FBXL17: variants seen among roughly 807,000 people sequenced by gnomAD.
FBXL17 encodes the protein F-box/LRR-repeat protein 17.
FBXL17 carries 22 observed loss-of-function variants against 66.2 expected under a neutral mutation model. The observed-to-expected ratio is 0.33, with a 90% CI of 0.24 to 0.47. FBXL17 has a LOEUF of 0.47. Ranked by LOEUF, FBXL17 falls within the 20% of genes least tolerant of loss-of-function variation. The pLI is 1.00. For synonymous variants in FBXL17, 474 were observed against 400.5 expected (o/e 1.18, Z -2.19); for missense variants, 878 against 948.2 (o/e 0.93, Z 0.97).
At chr5:108,235,352 G>A (rs898760532) in intron 4 of FBXL17, among the ~76,000 whole-genome samples, 6 of 152,052 alleles carry the variant, frequency 3.9e-5, no homozygotes, top group Non-Finnish European at 8.8e-5. Context: ...ACTAAATCTC[G>A]TAACAATGGC....
chr5:108,159,783 T>C (rs1752136454), intron 6 of FBXL17, among the ~76,000 whole-genome samples: 1 of 152,182 alleles, frequency 6.6e-6, no homozygotes, highest in South Asian at 2.1e-4. Flanking sequence ...AATGAAAATA[T>C]CTCATTTCTA....
chr5:107,900,915 A>AGAG (rs979927247), intron 7 of FBXL17, among the ~76,000 whole-genome samples: 1 of 152,168 alleles, frequency 6.6e-6, no homozygotes, highest in Admixed American at 6.5e-5. Flanking sequence ...AAGCCTCTCC[A>AGAG]GAGACAGTAT....
chr5:107,920,616 G>A (rs1750283445), intron 7 of FBXL17, among the ~76,000 whole-genome samples: 1 of 152,154 alleles, frequency 6.6e-6, no homozygotes, highest in Non-Finnish European at 1.5e-5. Context: ...ATGAAGAGAT[G>A]TCTGTAATAT....
At chr5:108,033,807 G>A (rs905008545) in intron 6 of FBXL17, among the ~76,000 whole-genome samples, 6 of 151,972 alleles carry the variant, frequency 3.9e-5, no homozygotes, top group African/African-American at 9.7e-5. Flanking sequence ...TGATGAGTTC[G>A]TAAAGACGAG....
chr5:107,954,791 A>G (rs898718673), intron 7 of FBXL17, among the ~76,000 whole-genome samples: 1 of 152,208 alleles, frequency 6.6e-6, no homozygotes, highest in African/African-American at 2.4e-5. Context: ...TAGAAAAGTT[A>G]GAACAAAATT....
At chr5:108,218,895 T>C (rs780972382) in intron 5 of FBXL17, among the ~76,000 whole-genome samples, 1 of 152,212 alleles carries the variant, frequency 6.6e-6, no homozygotes, top group Non-Finnish European at 1.5e-5. Flanking sequence ...CACTCTGTTG[T>C]TTCCTCTGCT....
At chr5:108,115,515 G>T (rs1750213966) in intron 6 of FBXL17, among the ~76,000 whole-genome samples, 1 of 151,576 alleles carries the variant, frequency 6.6e-6, no homozygotes, top group African/African-American at 2.4e-5. Context: ...AGGCACTGAG[G>T]CAAATTGAAA....
At chr5:108,304,654 G>A (rs1014997862) in intron 4 of FBXL17, among the ~76,000 whole-genome samples, 5 of 151,762 alleles carry the variant, frequency 3.3e-5, no homozygotes, top group African/African-American at 7.3e-5. Flanking sequence ...AAACTGAAAT[G>A]AAATTCAGAA....
chr5:108,040,612 A>T (rs1318840658), intron 6 of FBXL17, among the ~76,000 whole-genome samples: 3 of 152,216 alleles, frequency 2.0e-5, no homozygotes, highest in Non-Finnish European at 4.4e-5. Context: ...CTGGATTTTA[A>T]AAGAAAGTCA....
At chr5:107,921,179 A>T (rs1200580289) in intron 7 of FBXL17, among the ~76,000 whole-genome samples, 3 of 152,184 alleles carry the variant, frequency 2.0e-5, no homozygotes, top group Non-Finnish European at 4.4e-5. Context: ...TTAAATGGGA[A>T]TGGGGGAGCT....
Position 107,860,737 on chromosome 5 carries a change from T to C in FBXL17, c.*983A>G, listed in dbSNP as rs886290384. On this transcript the variant is annotated 3_prime_UTR_variant, in exon 9 of 9. Transcript: ENST00000542267. ...CAACAGTAGAAAGATTGTCTACTTA[T>C]ATCTCACTCATGAATCTTCTATTAA... The C allele has an allele frequency of 1.3e-5, 2 of 152,654 alleles. No homozygotes were observed. The highest frequency in any genetic ancestry group is 2.9e-5 in the Non-Finnish European group (2 of 68,040). The allele number at this position is 152,654 out of a possible 1,614,324, so 9.5% of individuals were successfully genotyped here. A position where few individuals can be genotyped will look rare whatever the true frequency, so the allele number is the denominator to read the frequency against.
intron 6 of FBXL17, among the ~76,000 whole-genome samples, chr5:108,157,560 A>C (rs1315856899): frequency 6.6e-6 from 1 of 151,770 alleles, no homozygotes; most frequent in African/African-American, 2.4e-5. Flanking sequence ...CTCAATAACC[A>C]GTGAAATGAA....
chr5:108,091,651 A>T (rs1749191985), intron 6 of FBXL17, among the ~76,000 whole-genome samples: 1 of 152,176 alleles, frequency 6.6e-6, no homozygotes, highest in Non-Finnish European at 1.5e-5. Context: ...ATCAGGCCTT[A>T]TACTTTCCCC....
chr5:108,060,943 C>A (rs1354847475), intron 6 of FBXL17, among the ~76,000 whole-genome samples: 3 of 152,088 alleles, frequency 2.0e-5, no homozygotes, highest in African/African-American at 7.2e-5. Context: ...GAACCACAGG[C>A]CAACAACCAG....
chr5:108,052,245 T>C (rs1367915420), intron 6 of FBXL17, among the ~76,000 whole-genome samples: 1 of 151,480 alleles, frequency 6.6e-6, no homozygotes, highest in African/African-American at 2.4e-5. Flanking sequence ...GGTATTCAAA[T>C]AGGAAAAGCG....
chr5:108,054,253 A>G (rs1747598804), intron 6 of FBXL17, among the ~76,000 whole-genome samples: 1 of 152,186 alleles, frequency 6.6e-6, no homozygotes, highest in Non-Finnish European at 1.5e-5. Flanking sequence ...AATTAAAAAA[A>G]AAAAAAAGTC....
intron 5 of FBXL17, among the ~76,000 whole-genome samples, chr5:108,196,926 T>C (rs1753703968): frequency 6.6e-6 from 1 of 152,214 alleles, no homozygotes; most frequent in Non-Finnish European, 1.5e-5. Flanking sequence ...TTGAAGTATG[T>C]GGCAGGAATT....
At chr5:108,097,661 C>T (rs1299783823) in intron 6 of FBXL17, among the ~76,000 whole-genome samples, 1 of 151,824 alleles carries the variant, frequency 6.6e-6, no homozygotes, top group African/African-American at 2.4e-5. Flanking sequence ...TGGTGGTGCA[C>T]GCCTGTAATC....
chr5:108,173,534 T>C (rs1349560729), intron 6 of FBXL17, among the ~76,000 whole-genome samples: 1 of 152,218 alleles, frequency 6.6e-6, no homozygotes, highest in Non-Finnish European at 1.5e-5. Context: ...GAAATGATAA[T>C]TGCTACCAGG....
Sources: gnomAD v4.1 joint callset for allele counts (sites outside exome capture counted in the v4.1 genomes callset) on GRCh38, gnomAD v4.1.1 for gene constraint, MANE v1.5 for transcripts, NCBI Gene and HGNC (gene_info 2026-07-23, HGNC 2026-07-21) for gene names.